Variants in IFT88 observed in about 807,000 individuals in gnomAD.
The protein encoded by IFT88 is intraflagellar transport protein 88 homolog.
In IFT88, 74 loss-of-function variants were observed where a neutral mutation model predicts 119.5. The ratio of observed to expected loss-of-function variants is 0.62; its 90% CI spans 0.51 to 0.75. The LOEUF is 0.75. IFT88 is among the 30% of genes least tolerant of loss of function. IFT88 has a pLI of 0.00. For synonymous variants in IFT88, 279 were observed against 316.7 expected (o/e 0.88, Z 1.26); for missense variants, 961 against 977.7 (o/e 0.98, Z 0.23).
At chr13:20,589,385 G>T (rs1414926218) in intron 3 of IFT88, among the ~76,000 whole-genome samples, 1 of 152,096 alleles carries the variant, frequency 6.6e-6, no homozygotes, top group African/African-American at 2.4e-5. Context: ...TTTAAAAGAT[G>T]AGAAAACTGT....
intron 13 of IFT88, among the ~76,000 whole-genome samples, chr13:20,612,514 C>A (rs1034908283): frequency 6.6e-6 from 1 of 152,094 alleles, no homozygotes; most frequent in African/African-American, 2.4e-5. Context: ...TAAATTATGT[C>A]GTATTTTTAT....
At chr13:20,580,799 C>T (rs2038463830) in intron 2 of IFT88, among the ~76,000 whole-genome samples, 1 of 148,068 alleles carries the variant, frequency 6.8e-6, no homozygotes, top group Non-Finnish European at 1.5e-5. Context: ...GACCTCTGCT[C>T]ATTGTAAGCT....
intron 19 of IFT88, among the ~76,000 whole-genome samples, chr13:20,644,215 A>G (rs1474782209): frequency 6.6e-6 from 1 of 152,076 alleles, no homozygotes; most frequent in Non-Finnish European, 1.5e-5. Context: ...AATAATAATA[A>G]AAGGACAGTC....
chr13:20,609,126 C>T (rs7982753), intron 13 of IFT88, among the ~76,000 whole-genome samples: 6,544 of 152,146 alleles, frequency 0.043, 185 homozygotes, highest in Middle Eastern at 0.075. Context: ...TTACCCTATG[C>T]GTTAGGACTG....
chr13:20,676,932 C>T (rs549086066), intron 24 of IFT88, among the ~76,000 whole-genome samples: 49 of 152,154 alleles, frequency 3.2e-4, no homozygotes, highest in Admixed American at 7.2e-4. Flanking sequence ...CGTGTGTGCT[C>T]ATACATACAA....
At chr13:20,611,844 G>A (rs2044601061) in intron 13 of IFT88, among the ~76,000 whole-genome samples, 1 of 152,082 alleles carries the variant, frequency 6.6e-6, no homozygotes, top group Non-Finnish European at 1.5e-5. Context: ...GACCTCAGGT[G>A]ATCCACCCAC....
At chr13:20,606,383 C>T (rs1025958098) in intron 13 of IFT88, among the ~76,000 whole-genome samples, 5 of 152,140 alleles carry the variant, frequency 3.3e-5, no homozygotes, top group Non-Finnish European at 7.4e-5. Flanking sequence ...AGAACTCCCA[C>T]CCTGCCCAAT....
chr13:20,607,357 C>T, intron 13 of IFT88: 2 of 555,176 alleles, frequency 3.6e-6, no homozygotes, highest in Non-Finnish European at 3.5e-6. Context: ...TGCCCATGTC[C>T]TATGCACACA....
At chr13:20,626,199 T>C (rs1337141132) in intron 15 of IFT88, among the ~76,000 whole-genome samples, 1 of 151,526 alleles carries the variant, frequency 6.6e-6, no homozygotes, top group Non-Finnish European at 1.5e-5. Flanking sequence ...TAGCTGGGAC[T>C]ATAAGCACCC....
intron 20 of IFT88, among the ~76,000 whole-genome samples, chr13:20,648,062 GCAAA>G (rs767247181): frequency 3.9e-4 from 59 of 152,220 alleles, no homozygotes; most frequent in Non-Finnish European, 4.7e-4. Flanking sequence ...AAATTTAAAA[GCAAA>G]CAAACAAACA....
chr13:20,646,019 C>A (rs191549019), intron 20 of IFT88, among the ~76,000 whole-genome samples: 21 of 152,300 alleles, frequency 1.4e-4, no homozygotes, highest in East Asian at 1.2e-3. Context: ...TAATACTACT[C>A]TAACATTAGC....
At position 20,670,959 on chromosome 13, in the gene IFT88, TCTC is replaced by T. The variant is rs2055741497; in HGVS notation, c.2176-13_2176-11del. 1 of 1,610,490 alleles carries T rather than the reference TCTC, an allele frequency of 6.2e-7. No individual in the cohort carries two copies. Among genetic ancestry groups the T allele is most frequent in the South Asian group, 1.1e-5 (1 of 90,376 alleles). The stretch of plus-strand genomic sequence containing the variant: ...AGCACTTATTCTTTTAAACTTGTCT[TCTC>T]TTTGCTCTAGCGCATAAAGTCAGGC... On this transcript the variant is annotated splice_polypyrimidine_tract_variant and intron_variant, in intron 23 of 25. Transcript: ENST00000351808.
At chr13:20,690,164 A>G (rs533236175) in intron 24 of IFT88, among the ~76,000 whole-genome samples, 4 of 152,286 alleles carry the variant, frequency 2.6e-5, no homozygotes, top group Non-Finnish European at 5.9e-5. Flanking sequence ...TCAGTGGACT[A>G]CTCTCATTAA....
At chr13:20,593,536 T>C (rs1311072042) in intron 7 of IFT88, among the ~76,000 whole-genome samples, 1 of 151,744 alleles carries the variant, frequency 6.6e-6, no homozygotes, top group Non-Finnish European at 1.5e-5. Context: ...TTTTTGTTTC[T>C]TTTTTTTATT....
rs1330470988 is a variant in IFT88 at position 20,607,191 on chromosome 13, G to T, written c.1112+2086G>T. 9.4e-5 allele frequency: 37 copies of T among 393,640 alleles called. 1 individual carries two copies. The highest frequency in any genetic ancestry group is 7.1e-4 in the South Asian group (35 of 49,258). 24.4% of individuals were successfully genotyped at this position (393,640 alleles called of 1,614,324 possible). A position where few individuals can be genotyped will look rare whatever the true frequency, so the allele number is the denominator to read the frequency against. ...CTCCTGCTGCTGCTGCACGCCTGGC[G>T]CTTGCCCCCTGCACCGCCCATCTCA... On this transcript the variant is annotated intron_variant, in intron 13 of 25. Transcript: ENST00000351808.
At position 20,641,360 on chromosome 13, in the gene IFT88, A is replaced by G. The variant is rs150889435; in HGVS notation, c.1644A>G (p.Leu548=). ...GTTTCCTGAAACTTCACGCAATCCT[A>G]CGAAACAGTGCCGAAGTTCTTTACC... is the stretch of plus-strand genomic sequence containing the variant. The part of the protein sequence containing the change: ...LDCFLKLHAI[L]RNSAEVLYQI... Residue 548 remains leucine, a synonymous_variant, in exon 18 of 26, where the codon CTA becomes CTG. Coordinates refer to ENST00000351808, the MANE Select transcript of IFT88 (RefSeq NM_006531.5). The G allele has an allele frequency of 6.2e-7, 1 of 1,612,446 alleles. No individual in the cohort carries two copies. The highest frequency in any genetic ancestry group is 8.5e-7 in the Non-Finnish European group (1 of 1,179,008).
chr13:20,604,335 AATAAT>A (rs1278790849), intron 12 of IFT88, among the ~76,000 whole-genome samples: 2 of 152,204 alleles, frequency 1.3e-5, no homozygotes, highest in African/African-American at 4.8e-5. Flanking sequence ...ATTGAGAAAA[AATAAT>A]ATATGTTGTA....
At chr13:20,607,424 A>T (rs1566171235) in intron 13 of IFT88, 1 of 651,570 alleles carries the variant, frequency 1.5e-6, no homozygotes, top group Non-Finnish European at 2.9e-6. Context: ...CATTATAAAG[A>T]AGCAGAGCAA....
At chr13:20,655,299 G>T (rs1241272577) in intron 21 of IFT88, among the ~76,000 whole-genome samples, 1 of 151,922 alleles carries the variant, frequency 6.6e-6, no homozygotes, top group African/African-American at 2.4e-5. Context: ...GGGCTTGGTG[G>T]TGCACGCCTG....
Sources: gnomAD v4.1 joint callset for allele counts (sites outside exome capture counted in the v4.1 genomes callset) on GRCh38, gnomAD v4.1.1 for gene constraint, MANE v1.5 for transcripts, NCBI Gene and HGNC (gene_info 2026-07-23, HGNC 2026-07-21) for gene names.